Variants in SUN1 observed in about 807,000 individuals in gnomAD.
The protein encoded by SUN1 is Sad1 and UNC84 domain containing 1.
In SUN1, 61 loss-of-function variants were observed where a neutral mutation model predicts 103.2. That is an observed-to-expected ratio of 0.59 (90% CI 0.48 to 0.73). SUN1 has a LOEUF of 0.73. Among genes scored for constraint, SUN1 ranks in the 30% least tolerant of loss-of-function variants. The pLI, the probability that SUN1 is intolerant of heterozygous loss-of-function variation, is 0.00. For missense variants in SUN1, 1,052 were observed against 1,034.6 expected, an observed-to-expected ratio of 1.02 and a Z score of -0.23; for synonymous variants, 490 against 425.7, an observed-to-expected ratio of 1.15 and a Z score of -1.86.
intron 1 of SUN1, among the ~76,000 whole-genome samples, chr7:817,730 G>C (rs538920967): frequency 6.6e-6 from 1 of 152,254 alleles, no homozygotes; most frequent in South Asian, 2.1e-4. Flanking sequence ...GTGTGTTTTG[G>C]TTTATCTCAT....
At chr7:851,621 T>A in intron 6 of SUN1, 139 bp downstream of exon 6, 2 of 785,312 alleles carry the variant, frequency 2.5e-6, no homozygotes, top group Non-Finnish European at 4.1e-6. Context: ...TCTCGTTCTT[T>A]ATGACGTAGC....
At chr7:854,619 T>C (rs1825437472) in intron 10 of SUN1, among the ~76,000 whole-genome samples, 1 of 152,164 alleles carries the variant, frequency 6.6e-6, no homozygotes, top group African/African-American at 2.4e-5. Flanking sequence ...GGCTCAGGCC[T>C]GTGGTCCCAG....
chr7:816,162 G>A (rs1780339967), upstream of SUN1: 1 of 304,880 alleles, frequency 3.3e-6, no homozygotes. Flanking sequence ...CGTATCTGAG[G>A]GGCAGAGCCC....
chr7:824,620 G>A (rs888189334), intron 1 of SUN1, among the ~76,000 whole-genome samples: 7 of 152,194 alleles, frequency 4.6e-5, no homozygotes, highest in African/African-American at 1.7e-4. Flanking sequence ...AAGATTCAGT[G>A]CCCTTATGGT....
At position 832,563 on chromosome 7, in the gene SUN1, G is replaced by A. The variant is rs749215305; in HGVS notation, c.39G>A (p.Gln13=). The part of the protein sequence containing the change: ...FSRLHMYSPP[Q]CVPENTGYTY... ...GGCTTCACATGTACAGTCCTCCCCA[G>A]TGTGTGCCGGAGAACACGGGCTACA... Residue 13 remains glutamine, a synonymous_variant, in exon 1 of 19, where the codon CAG becomes CAA. Transcript: ENST00000401592. The A allele has an allele frequency of 3.7e-6, 6 of 1,613,088 alleles. No individual in the cohort carries two copies. Among genetic ancestry groups the A allele is most frequent in the Non-Finnish European group, 5.1e-6 (6 of 1,179,556 alleles).
intron 15 of SUN1, among the ~76,000 whole-genome samples, chr7:862,011 A>G (rs1832629053): frequency 6.6e-6 from 1 of 152,204 alleles, no homozygotes; most frequent in South Asian, 2.1e-4. Flanking sequence ...AGCTGAGGAA[A>G]GTCCTGGGGT....
intron 15 of SUN1, among the ~76,000 whole-genome samples, chr7:862,380 G>T (rs1832893663): frequency 6.6e-6 from 1 of 152,168 alleles, no homozygotes; most frequent in Non-Finnish European, 1.5e-5. Flanking sequence ...TACGGGAGCA[G>T]CTGGGTTTGA....
chr7:866,911 A>C (rs1233807711), intron 16 of SUN1, among the ~76,000 whole-genome samples: 1 of 151,916 alleles, frequency 6.6e-6, no homozygotes, highest in African/African-American at 2.4e-5. Context: ...TAAAGCACTA[A>C]AGGATGGAGA....
In SUN1 at chr7:860,362, G is replaced by A. The variant is rs1445000155; in HGVS notation, c.1759G>A (p.Ala587Thr). ...AVVSAVSEAG[A>T]SGITEAQARA... Reference sequence around the variant, plus strand: ...GGTGTCTGCTGTGAGCGAGGCGGGGGCGTCTGGAATAACAGAGGCGGTGAG... The same window carrying A: ...GGTGTCTGCTGTGAGCGAGGCGGGGACGTCTGGAATAACAGAGGCGGTGAG... The change falls in exon 14 of 19, where the codon GCG (alanine) becomes ACG (threonine). Residue 587 changes from alanine to threonine, a missense_variant. By Grantham distance (58) the Ala-to-Thr change is moderately conservative (BLOSUM62 0). Transcript: ENST00000401592. 2.5e-6 allele frequency: 4 copies of A among 1,613,796 alleles called. No homozygotes were observed. The highest frequency in any genetic ancestry group is 1.1e-5 in the South Asian group (1 of 91,082).
chr7:842,396 A>G (rs1257208947), intron 3 of SUN1: 5 of 474,342 alleles, frequency 1.1e-5, no homozygotes, highest in Non-Finnish European at 1.9e-5. Flanking sequence ...GGTTATGCTA[A>G]CGTGTAGTGA....
At chr7:840,639 CTTTTTTT>C (rs540064618) in intron 2 of SUN1, among the ~76,000 whole-genome samples, 23 of 127,778 alleles carry the variant, frequency 1.8e-4, no homozygotes, top group East Asian at 7.1e-4. Context: ...ACCATCTATT[CTTTTTTT>C]TTTTTTTTTT....
intron 1 of SUN1, among the ~76,000 whole-genome samples, chr7:819,192 CTTT>C (rs57527104): frequency 1.4e-5 from 2 of 138,748 alleles, no homozygotes. Context: ...TGGGTTGCCT[CTTT>C]TTTTTTTTTT....
rs1015197491 is a variant in SUN1, at chr7:838,362, C to T, written c.78-436C>T. On this transcript the variant is annotated intron_variant, in intron 1 of 18. Transcript: ENST00000401592. The stretch of plus-strand genomic sequence containing the variant: ...ATTTAGAAGGGGAGCATTGACGGCC[C>T]GATCACTTGGCCTCCTCTCCTGCGT... 1.4e-4 allele frequency among the ~76,000 whole-genome samples: 22 copies of T among 152,330 alleles called. No homozygotes were observed. In the East Asian group the frequency reaches 1.5e-3, roughly 11 times the overall value.
At chr7:832,857 T>G (rs1584258971) in intron 1 of SUN1, 1 of 466,752 alleles carries the variant, frequency 2.1e-6, no homozygotes, top group South Asian at 3.2e-5. Context: ...CCCACCCAGG[T>G]GGTTGTGATG....
chr7:822,240 TAGTC>T (rs1477939500), intron 1 of SUN1, among the ~76,000 whole-genome samples: 4 of 152,274 alleles, frequency 2.6e-5, no homozygotes, highest in East Asian at 1.9e-4. Context: ...TGTAATTTAT[TAGTC>T]AGTTTTACGG....
intron 13 of SUN1, 36 bp downstream of exon 13, chr7:857,993 T>C (rs544012932): frequency 2.0e-6 from 3 of 1,519,612 alleles, no homozygotes; most frequent in South Asian, 1.3e-5. Flanking sequence ...TGTTTTATAA[T>C]AGAAAGTAAA....
Position 851,394 on chromosome 7 carries a change from G to A in SUN1, c.669G>A (p.Leu223=), listed in dbSNP as rs1200677405. ...GTCTTCCCTGCACAGGTTACTTCTT[G>A]CTGCAGATTCTGCGCAGGATCGGAG... ...SRDRNQKCYF[L]LQILRRIGAV... The change falls in exon 6 of 19, where the codon TTG becomes TTA. Residue 223 remains leucine (L), a synonymous_variant. Coordinates refer to ENST00000401592, the MANE Select transcript of SUN1 (RefSeq NM_001130965.3). 2.0e-5 allele frequency: 32 copies of A among 1,603,398 alleles called. No individual in the cohort carries two copies. Among genetic ancestry groups the A allele is most frequent in the Non-Finnish European group, 2.7e-5 (32 of 1,174,952 alleles).
At chr7:817,254 C>T (rs1781542725) in intron 1 of SUN1, 3 of 673,526 alleles carry the variant, frequency 4.5e-6, no homozygotes, top group Admixed American at 2.4e-5. Context: ...GCCACCGCGC[C>T]CGGCTGATAG....
chr7:848,651 T>G (rs768066398), intron 5 of SUN1: 6 of 1,291,432 alleles, frequency 4.6e-6, no homozygotes, highest in Non-Finnish European at 6.1e-6. Flanking sequence ...TTTCCACCAA[T>G]CACACTTTCG....
Sources: allele counts gnomAD v4.1 joint callset (sites outside exome capture counted in the v4.1 genomes callset), GRCh38; gene constraint gnomAD v4.1.1; transcripts MANE v1.5; gene names NCBI Gene and HGNC (gene_info 2026-07-23, HGNC 2026-07-21).